Variants in GCNT1 observed in about 807,000 individuals in gnomAD.
GCNT1 encodes the protein beta-1,3-galactosyl-O-glycosyl-glycoprotein beta-1,6-N-acetylglucosaminyltransferase.
Under a neutral mutation model 26.2 loss-of-function variants are expected in GCNT1, and 16 were observed. The ratio of observed to expected loss-of-function variants is 0.61; its 90% CI spans 0.41 to 0.93. The LOEUF is 0.93. Ranked by LOEUF, GCNT1 falls within the 40% of genes least tolerant of loss-of-function variation. GCNT1 has a pLI of 0.00. For synonymous variants in GCNT1, 183 were observed against 190.8 expected, an observed-to-expected ratio of 0.96 and a Z score of 0.34; for missense variants, 477 against 526.7, an observed-to-expected ratio of 0.91 and a Z score of 0.92.
At chr9:76,488,461 C>T (rs1291482688) in intron 2 of GCNT1, among the ~76,000 whole-genome samples, 1 of 152,080 alleles carries the variant, frequency 6.6e-6, no homozygotes, top group Non-Finnish European at 1.5e-5. Context: ...GAGTGTTTCT[C>T]ACTTTATCTT....
chr9:76,433,444 C>T (rs561214242), intron 1 of GCNT1, among the ~76,000 whole-genome samples: 13 of 152,342 alleles, frequency 8.5e-5, no homozygotes, highest in East Asian at 1.9e-4. Context: ...TGTGCCACGG[C>T]GTACCCCTCA....
At position 76,460,166 on chromosome 9, in the gene GCNT1, GCCTAGGCCGAGGTAGGTT is replaced by G. The variant is rs1470157123; in HGVS notation, c.-299_-290+8del. ...GCAGATCCCGGCTAGGGCACGGACC[GCCTAGGCCGAGGTAGGTT>G]CTGTAGGCACCTGGCATGCTGTAGA... On this transcript the variant is annotated splice_donor_variant and splice_donor_5th_base_variant and 5_prime_UTR_variant and intron_variant, in exon 2 of 4. Coordinates refer to ENST00000376730, the MANE Select transcript of GCNT1 (RefSeq NM_001490.5). LOFTEE classifies it low-confidence loss of function (5UTR_SPLICE). 5 of 152,274 alleles carry G rather than the reference GCCTAGGCCGAGGTAGGTT, an allele frequency of 3.3e-5. No individual in the cohort carries two copies. The highest frequency in any genetic ancestry group is 1.3e-4 in the Admixed American group (2 of 15,278). The allele number at this position is 152,274 out of a possible 1,614,324, so 9.4% of individuals were successfully genotyped here. A position where few individuals can be genotyped will look rare whatever the true frequency, so the allele number is the denominator to read the frequency against.
At chr9:76,410,293 A>G in the GCNT1 span, among the ~76,000 whole-genome samples, 13 of 152,138 alleles carry the variant, frequency 8.5e-5, no homozygotes, top group Non-Finnish European at 1.5e-4. Flanking sequence ...TTAGCTTGTC[A>G]TGGTGGCAGG....
At chr9:76,404,671 C>T in the GCNT1 span, among the ~76,000 whole-genome samples, 1 of 152,068 alleles carries the variant, frequency 6.6e-6, no homozygotes, top group South Asian at 2.1e-4. Context: ...GATATAAGTC[C>T]AGCTACCCTT....
chr9:76,451,962 TTTTTGTTG>T (rs200037555), intron 1 of GCNT1, among the ~76,000 whole-genome samples: 22,531 of 109,398 alleles, frequency 0.21, 1,297 homozygotes, highest in African/African-American at 0.25. Context: ...TTTTTTTTTT[TTTTTGTTG>T]TTGTTGTTGT....
At chr9:76,470,537 G>A (rs1433773477) in intron 2 of GCNT1, among the ~76,000 whole-genome samples, 2 of 150,240 alleles carry the variant, frequency 1.3e-5, no homozygotes, top group East Asian at 2.0e-4. Context: ...CCCAGGAGTC[G>A]AGGCTGTGGT....
chr9:76,454,386 GAAAA>G (rs71372084), upstream of GCNT1, among the ~76,000 whole-genome samples: 14 of 39,606 alleles, frequency 3.5e-4, no homozygotes, highest in African/African-American at 9.6e-4. Flanking sequence ...TCTCAGAAAA[GAAAA>G]AAAAAAAAAA....
intron 2 of GCNT1, among the ~76,000 whole-genome samples, chr9:76,486,279 A>G (rs1465228807): frequency 6.6e-6 from 1 of 152,176 alleles, no homozygotes; most frequent in Non-Finnish European, 1.5e-5. Context: ...CAGGTTAGTG[A>G]TGTTGTTAAT....
At chr9:76,471,858 T>C (rs904635064) in intron 2 of GCNT1, among the ~76,000 whole-genome samples, 2 of 152,194 alleles carry the variant, frequency 1.3e-5, no homozygotes, top group Admixed American at 1.3e-4. Context: ...TTTTTTTTTC[T>C]TTTGAGACCA....
At chr9:76,446,298 T>G (rs1423576209) in intron 1 of GCNT1, among the ~76,000 whole-genome samples, 1 of 152,100 alleles carries the variant, frequency 6.6e-6, no homozygotes, top group Non-Finnish European at 1.5e-5. Context: ...ATAGAGGGTG[T>G]AAGACAAGGA....
At chr9:76,441,606 C>T (rs1192302983), upstream of GCNT1, 2 of 152,228 alleles carry the variant, frequency 1.3e-5, no homozygotes, top group Non-Finnish European at 2.9e-5. Flanking sequence ...ATATTTTCAT[C>T]ATAGTATCTG....
At chr9:76,446,333 G>A (rs1256342259) in intron 1 of GCNT1, among the ~76,000 whole-genome samples, 2 of 152,152 alleles carry the variant, frequency 1.3e-5, no homozygotes, top group Admixed American at 6.5e-5. Context: ...GCTGATGGGA[G>A]CCAGCACACA....
the GCNT1 span, among the ~76,000 whole-genome samples, chr9:76,401,135 A>G: frequency 1.3e-5 from 2 of 152,374 alleles, no homozygotes; most frequent in South Asian, 2.1e-4. Flanking sequence ...TAACTGGACT[A>G]CAGTCCAAAT....
chr9:76,504,303 C>T lies in GCNT1; in HGVS notation c.*635C>T, dbSNP rs1427605521. The T allele has an allele frequency of 5.9e-6, 1 of 168,932 alleles. No homozygotes were observed. The highest frequency in any genetic ancestry group is 2.4e-5 in the African/African-American group (1 of 41,488). The allele number at this position is 168,932 out of a possible 1,614,324, so 10.5% of individuals were successfully genotyped here. On this transcript the variant is annotated 3_prime_UTR_variant, in exon 4 of 4. Transcript: ENST00000376730. ...CTTGAAACAACGCACACATTTTCAA[C>T]AACCAAAAAATGACAATTTCTAGTT... is the stretch of plus-strand genomic sequence containing the variant.
the GCNT1 span, chr9:76,394,279 C>G: frequency 9.0e-7 from 1 of 1,115,404 alleles, no homozygotes; most frequent in Non-Finnish European, 1.2e-6. Flanking sequence ...GGAGCGTGAG[C>G]TCTGCCTGCC....
the GCNT1 span, among the ~76,000 whole-genome samples, chr9:76,394,682 G>A: frequency 6.6e-6 from 1 of 152,146 alleles, no homozygotes; most frequent in African/African-American, 2.4e-5. Flanking sequence ...AACTAATGTG[G>A]AAACCCCGTT....
At chr9:76,496,043 C>T (rs1824900062) in intron 2 of GCNT1, among the ~76,000 whole-genome samples, 2 of 152,188 alleles carry the variant, frequency 1.3e-5, no homozygotes, top group African/African-American at 4.8e-5. Context: ...AAAAAAACTC[C>T]TGCCCTGGGC....
At chr9:76,463,712 A>T (rs2131596683) in intron 2 of GCNT1, among the ~76,000 whole-genome samples, 1 of 148,858 alleles carries the variant, frequency 6.7e-6, no homozygotes, top group African/African-American at 2.5e-5. Flanking sequence ...ACAGCTGTGA[A>T]CAAGATGGAG....
At chr9:76,477,103 C>A (rs1375019604) in intron 2 of GCNT1, among the ~76,000 whole-genome samples, 1 of 151,688 alleles carries the variant, frequency 6.6e-6, no homozygotes, top group Non-Finnish European at 1.5e-5. Flanking sequence ...TTAGTACAGA[C>A]GGGGTTTCAC....
Sources: allele counts gnomAD v4.1 joint callset (sites outside exome capture counted in the v4.1 genomes callset), GRCh38; gene constraint gnomAD v4.1.1; transcripts MANE v1.5; gene names NCBI Gene and HGNC (gene_info 2026-07-23, HGNC 2026-07-21).